KATNB1: variants seen among roughly 807,000 people sequenced by gnomAD.
KATNB1 encodes katanin p80 WD40 repeat-containing subunit B1.
A neutral mutation model predicts 82.3 loss-of-function variants in KATNB1; 38 were observed. That is an observed-to-expected ratio of 0.46 (90% CI 0.36 to 0.61). The LOEUF is 0.61. Ranked by LOEUF, KATNB1 falls within the 20% of genes least tolerant of loss-of-function variation. The pLI, the probability that KATNB1 is intolerant of heterozygous loss-of-function variation, is 0.00. For missense variants in KATNB1, 749 were observed against 915.7 expected, an observed-to-expected ratio of 0.82 and a Z score of 2.35; for synonymous variants, 361 against 368.7, an observed-to-expected ratio of 0.98 and a Z score of 0.24.
Position 57,751,219 on chromosome 16 carries a change from A to T in KATNB1, c.391-42A>T. The T allele has an allele frequency of 6.2e-7, 1 of 1,600,084 alleles. No homozygotes were observed. Among genetic ancestry groups the T allele is most frequent in the South Asian group, 1.1e-5 (1 of 90,774 alleles). On this transcript the variant is annotated intron_variant, in intron 5 of 19. Coordinates refer to ENST00000379661, the MANE Select transcript of KATNB1 (RefSeq NM_005886.3). This position sits in a 1 kb window ranked among gnomAD's most constrained non-coding sequence, Gnocchi z 6.3. Reference sequence around the variant, plus strand: ...ACACCTTCCTCCAGTCGTGGCTCTGACCTCTCCTGACTCTGCCCCTCTGCT... The same window carrying T: ...ACACCTTCCTCCAGTCGTGGCTCTGTCCTCTCCTGACTCTGCCCCTCTGCT...
At chr16:57,745,702 G>C (rs1185629503) in intron 4 of KATNB1, among the ~76,000 whole-genome samples, 1 of 152,076 alleles carries the variant, frequency 6.6e-6, no homozygotes, top group Non-Finnish European at 1.5e-5. Flanking sequence ...CATTTCAATA[G>C]GTGGTGTTTA....
At chr16:57,740,430 C>T (rs531705207) in intron 2 of KATNB1, among the ~76,000 whole-genome samples, 5 of 152,194 alleles carry the variant, frequency 3.3e-5, no homozygotes, top group African/African-American at 2.4e-5. Context: ...GTCTGAAGCC[C>T]GCAGCAGAGA....
chr16:57,753,517 T>G lies in KATNB1; in HGVS notation c.1175T>G (p.Ile392Ser). 6.2e-7 allele frequency: 1 copy of G among 1,612,712 alleles called. No individual in the cohort carries two copies. Among genetic ancestry groups the G allele is most frequent in the Non-Finnish European group, 8.5e-7 (1 of 1,179,784 alleles). Residue 392 changes from isoleucine (I) to serine (S), a missense_variant and splice_region_variant, in exon 12 of 20, where the codon ATC (isoleucine) becomes AGC (serine). Coordinates refer to ENST00000379661, the MANE Select transcript of KATNB1 (RefSeq NM_005886.3). ...GAGATCTTCCAGCCCAAGAACAGCA[T>G]CAGTGAGGCCGGGCTCCCGCCCCCA... ...YNEIFQPKNSISRTPPRRSEP... is the reference protein window; with the variant it reads ...YNEIFQPKNSSSRTPPRRSEP...
rs2049295924 is a variant in KATNB1, at chr16:57,756,868, C to G, written c.1890C>G (p.Val630=). 6.4e-7 allele frequency: 1 copy of G among 1,568,588 alleles called. No homozygotes were observed. The highest frequency in any genetic ancestry group is 1.2e-5 in the South Asian group (1 of 85,550). Reference sequence around the variant, plus strand: ...AGCTTAAGAGCATCAGCGGCCTGGTCAAGAGCAAGTCAGGCCTGAGCGGCC... The same window carrying G: ...AGCTTAAGAGCATCAGCGGCCTGGTGAAGAGCAAGTCAGGCCTGAGCGGCC... ...YKQLKSISGL[V]KSKSGLSGRH... The change falls in exon 20 of 20, where the codon GTC becomes GTG. Residue 630 remains valine, a synonymous_variant. Transcript: ENST00000379661.
chr16:57,752,879 T>C lies in KATNB1; in HGVS notation c.806T>C (p.Leu269Pro). The C allele has an allele frequency of 6.2e-7, 1 of 1,608,014 alleles. No individual in the cohort carries two copies. The highest frequency in any genetic ancestry group is 8.5e-7 in the Non-Finnish European group (1 of 1,179,834). ...CCTGAGCGGTGCTTTGATGTGGTCC[T>C]CGTCAACTGGGGCAAGGTGGCCGAC... ...WEPERCFDVV[L>P]VNWGKVADLA... Residue 269 changes from leucine (L) to proline (P), a missense_variant, in exon 10 of 20, where the codon CTC (leucine) becomes CCC (proline). Leu to Pro is a moderately conservative substitution (Grantham distance 98). Transcript: ENST00000379661.
intron 13 of KATNB1, among the ~76,000 whole-genome samples, 159 bp from the exon 14 acceptor site, chr16:57,754,771 C>T (rs1451642412): frequency 6.6e-6 from 1 of 152,186 alleles, no homozygotes; most frequent in Non-Finnish European, 1.5e-5. Context: ...CAGGCCTGCC[C>T]CAGGTCCTCT....
chr16:57,748,805 G>A (rs572053540), intron 4 of KATNB1, among the ~76,000 whole-genome samples: 9 of 152,340 alleles, frequency 5.9e-5, no homozygotes, highest in East Asian at 1.9e-4. Context: ...GAGGGCGGCC[G>A]GTGCTTCATG....
chr16:57,748,104 G>A (rs1280955002), intron 4 of KATNB1, among the ~76,000 whole-genome samples: 1 of 152,138 alleles, frequency 6.6e-6, no homozygotes, highest in Non-Finnish European at 1.5e-5. Context: ...GGAGAGCACC[G>A]AGCTTAGGAA....
At chr16:57,738,533 G>A (rs2049119836) in intron 2 of KATNB1, among the ~76,000 whole-genome samples, 1 of 152,168 alleles carries the variant, frequency 6.6e-6, no homozygotes, top group African/African-American at 2.4e-5. Flanking sequence ...TGGGATGACA[G>A]GCATGAGCCA....
chr16:57,756,994 AG>A lies in KATNB1; in HGVS notation c.*49del. On this transcript the variant is annotated 3_prime_UTR_variant, in exon 20 of 20. Transcript: ENST00000379661. ...TCGGCAGCCCACAGGGCCTGGCCTC[AG>A]CCCCCACTCCTGTTCCTTGTGCACC... is the stretch of plus-strand genomic sequence containing the variant. 6.8e-7 allele frequency: 1 copy of A among 1,460,926 alleles called. No individual in the cohort carries two copies. The highest frequency in any genetic ancestry group is 2.6e-5 in the East Asian group (1 of 39,020). 90.5% of individuals were successfully genotyped at this position (1,460,926 alleles called of 1,614,324 possible).
intron 2 of KATNB1, among the ~76,000 whole-genome samples, chr16:57,740,795 C>T (rs2049136431): frequency 6.6e-6 from 1 of 152,164 alleles, no homozygotes; most frequent in Non-Finnish European, 1.5e-5. Flanking sequence ...CCCTCACCCC[C>T]ACCCCAGCTG....
intron 5 of KATNB1, 52 bp downstream of exon 5, chr16:57,750,979 A>AGCCCG (rs1253929134): frequency 1.4e-6 from 2 of 1,468,960 alleles, no homozygotes; most frequent in South Asian, 1.1e-5. Flanking sequence ...TGGCAGGACC[A>AGCCCG]GCCCGGCCCG....
chr16:57,755,469 C>T lies in KATNB1; in HGVS notation c.1541C>T (p.Ala514Val), dbSNP rs1555585657. Residue 514 changes from alanine (A) to valine (V), a missense_variant, in exon 16 of 20, where the codon GCT becomes GTT. Physicochemically the swap from Ala to Val is moderately conservative, Grantham distance 64 (BLOSUM62 0). Around this residue, in one of 3 missense-constraint regions of KATNB1, gnomAD observed 407 missense variants for 434.7 expected, o/e 0.94. Transcript: ENST00000379661. The part of the protein sequence containing the change: ...SRHKNLDTVR[A>V]VWTMGDIKTS... ...CACAAGAACCTGGACACTGTGCGGGCTGTGTGGACCATGGGCGACATCAAG... is the reference window on the plus strand; with the variant it reads ...CACAAGAACCTGGACACTGTGCGGGTTGTGTGGACCATGGGCGACATCAAG... 5 of 1,613,122 alleles carry T rather than the reference C, an allele frequency of 3.1e-6. No homozygotes were observed. The highest frequency in any genetic ancestry group is 4.2e-6 in the Non-Finnish European group (5 of 1,179,902).
chr16:57,749,343 A>G (rs143819435), intron 4 of KATNB1, among the ~76,000 whole-genome samples: 2 of 152,350 alleles, frequency 1.3e-5, no homozygotes, highest in African/African-American at 4.8e-5. Context: ...GGCCAGGGTC[A>G]CACCACCAGT....
intron 16 of KATNB1, 158 bp downstream of exon 16, chr16:57,755,652 T>TCATCAC: frequency 9.3e-7 from 1 of 1,076,240 alleles, no homozygotes; most frequent in Non-Finnish European, 1.3e-6. Flanking sequence ...ATCATCATCA[T>TCATCAC]CATCACAGAC....
At chr16:57,737,679 T>TA (rs1713280947) in intron 2 of KATNB1, among the ~76,000 whole-genome samples, 1 of 152,124 alleles carries the variant, frequency 6.6e-6, no homozygotes, top group South Asian at 2.1e-4. Flanking sequence ...CCCAGTCAGA[T>TA]AAAAGCATCT....
In KATNB1 at chr16:57,744,367, A is replaced by G. The variant is rs372097149; in HGVS notation, c.172-27A>G. ...ACTGCAGGGGTCTGTCCAGCAGTGC[A>G]CGGAAGCTGCTGCTCTCTCTCCACA... is the stretch of plus-strand genomic sequence containing the variant. On this transcript the variant is annotated intron_variant, in intron 3 of 19. Coordinates refer to ENST00000379661, the MANE Select transcript of KATNB1 (RefSeq NM_005886.3). 78 of 1,579,178 alleles carry G rather than the reference A, an allele frequency of 4.9e-5. No individual in the cohort carries two copies. The African/African-American group carries it at 8.5e-4, about 17-fold the overall frequency.
At chr16:57,756,690 C>A in intron 19 of KATNB1, 124 bp from the exon 20 acceptor site, 1 of 1,411,518 alleles carries the variant, frequency 7.1e-7, no homozygotes, top group Non-Finnish European at 9.3e-7. Flanking sequence ...CTGGGTGGTT[C>A]CCCTCTGGGC....
At chr16:57,756,516 T>G (rs782376906) in intron 19 of KATNB1, 44 bp downstream of exon 19, 2 of 1,533,864 alleles carry the variant, frequency 1.3e-6, no homozygotes, top group South Asian at 2.3e-5. Flanking sequence ...CCACAACAGG[T>G]GAGGGGACAA....
Sources: allele counts gnomAD v4.1 joint callset (sites outside exome capture counted in the v4.1 genomes callset), GRCh38; gene constraint gnomAD v4.1.1; regional missense constraint gnomAD v4.1.1; non-coding constraint Gnocchi (gnomAD v3.1); transcripts MANE v1.5; gene names NCBI Gene and HGNC (gene_info 2026-07-23, HGNC 2026-07-21).